SPDYE18: variants seen among roughly 807,000 people sequenced by gnomAD.
SPDYE18 encodes the protein speedy/RINGO cell cycle regulator family member E18.
A neutral mutation model predicts 44.9 loss-of-function variants in SPDYE18; 6 were observed. The observed-to-expected ratio is 0.13, with a 90% CI of 0.07 to 0.26. The LOEUF (loss-of-function observed/expected upper bound fraction) is 0.26, where lower values mean the gene tolerates loss of function less well. SPDYE18 is among the 10% of genes least tolerant of loss of function. SPDYE18 has a pLI of 1.00. For synonymous variants in SPDYE18, 35 were observed against 177.1 expected, an observed-to-expected ratio of 0.20 and a Z score of 6.37; for missense variants, 121 against 463.2, an observed-to-expected ratio of 0.26 and a Z score of 6.78.
At position 77,060,539 on chromosome 7, in the gene SPDYE18, C is replaced by T; in HGVS notation, c.-27G>A. On this transcript the variant is annotated 5_prime_UTR_variant, in exon 2 of 9. Transcript: ENST00000510091. ...GCCTTCTTCTGGACACTGCTAGGAT[C>T]CAGAAGAGTATGTTATCAATTCTCA... 2.0e-6 allele frequency: 3 copies of T among 1,534,864 alleles called. No homozygotes were observed. Among genetic ancestry groups the T allele is most frequent in the Non-Finnish European group, 2.6e-6 (3 of 1,146,696 alleles).
intron 6 of SPDYE18, 47 bp from the exon 7 acceptor site, chr7:77,053,250 G>C: frequency 6.2e-7 from 1 of 1,610,066 alleles, no homozygotes; most frequent in Non-Finnish European, 8.5e-7. Flanking sequence ...ACCAGGAGAG[G>C]CCTCCGGCTG....
intron 6 of SPDYE18, 35 bp from the exon 7 acceptor site, chr7:77,053,238 C>T (rs1163701390): frequency 6.2e-7 from 1 of 1,611,546 alleles, no homozygotes; most frequent in Non-Finnish European, 8.5e-7. Context: ...CTCAGGGGCA[C>T]CACCAGGAGA....
At chr7:77,054,316 G>A (rs1319964657) in intron 6 of SPDYE18, among the ~76,000 whole-genome samples, 4 of 148,634 alleles carry the variant, frequency 2.7e-5, no homozygotes, top group Non-Finnish European at 3.0e-5. Context: ...GCCGAGCCAG[G>A]AAATACCAAG....
chr7:77,059,981 T>C (rs1789993774), intron 2 of SPDYE18, among the ~76,000 whole-genome samples: 1 of 148,814 alleles, frequency 6.7e-6, no homozygotes, highest in South Asian at 2.1e-4. Context: ...CACACCCTCC[T>C]CAGGTTCTCC....
chr7:77,053,410 G>A (rs1296540461), intron 6 of SPDYE18, among the ~76,000 whole-genome samples: 4 of 152,330 alleles, frequency 2.6e-5, no homozygotes, highest in South Asian at 2.1e-4. Context: ...GGAGACAAAA[G>A]CCCAACTGGT....
At chr7:77,056,998 A>G (rs1789933413) in intron 4 of SPDYE18, among the ~76,000 whole-genome samples, 1 of 152,238 alleles carries the variant, frequency 6.6e-6, no homozygotes, top group South Asian at 2.1e-4. Context: ...TTAGGTTTAG[A>G]AAAGTCAGTA....
At chr7:77,058,501 C>CCTT (rs1789965736) in intron 3 of SPDYE18, among the ~76,000 whole-genome samples, 1 of 56,098 alleles carries the variant, frequency 1.8e-5, no homozygotes, top group African/African-American at 7.0e-5. Flanking sequence ...TTCCTTCCTT[C>CCTT]TTTTTTTTTT....
intron 3 of SPDYE18, among the ~76,000 whole-genome samples, chr7:77,058,501 CTTTTTTTTTTTT>C (rs1158671945): frequency 3.6e-5 from 2 of 56,098 alleles, no homozygotes; most frequent in Non-Finnish European, 6.7e-5. Flanking sequence ...TTCCTTCCTT[CTTTTTTTTTTTT>C]TTTTTTTTTT....
At chr7:77,054,546 G>C (rs1297555683) in intron 6 of SPDYE18, among the ~76,000 whole-genome samples, 2 of 151,286 alleles carry the variant, frequency 1.3e-5, no homozygotes, top group African/African-American at 4.8e-5. Context: ...GATGCGAGGG[G>C]GACCTGAACT....
At position 77,058,466 on chromosome 7, in the gene SPDYE18, G is replaced by A. The variant is rs944008578; in HGVS notation, c.380-599C>T. 7.0e-5 allele frequency among the ~76,000 whole-genome samples: 8 copies of A among 114,226 alleles called. 1 individual carries two copies. Among genetic ancestry groups the A allele is most frequent in the South Asian group, 6.4e-4 (2 of 3,116 alleles). 74.9% of individuals were successfully genotyped at this position (114,226 alleles called of 152,430 possible). ...CATTCTTCCCACACACCCTCCTCACGTGCTCCTTCCTGACTTCTGGGCCCT... is the reference window on the plus strand; with the variant it reads ...CATTCTTCCCACACACCCTCCTCACATGCTCCTTCCTGACTTCTGGGCCCT... On this transcript the variant is annotated intron_variant, in intron 3 of 8. Transcript: ENST00000510091.
intron 2 of SPDYE18, among the ~76,000 whole-genome samples, 199 bp downstream of exon 2, chr7:77,060,154 A>G (rs1475581733): frequency 2.0e-5 from 3 of 146,944 alleles, no homozygotes; most frequent in Non-Finnish European, 3.0e-5. Flanking sequence ...CACCACTACC[A>G]CTTGACTACT....
chr7:77,053,562 A>G (rs1789854456), intron 6 of SPDYE18, among the ~76,000 whole-genome samples: 2 of 152,368 alleles, frequency 1.3e-5, no homozygotes, highest in South Asian at 4.1e-4. Flanking sequence ...GAAATATGCC[A>G]GACGCGGTGG....
chr7:77,054,969 T>C (rs1186715257), intron 6 of SPDYE18, among the ~76,000 whole-genome samples: 1 of 152,214 alleles, frequency 6.6e-6, no homozygotes, highest in African/African-American at 2.4e-5. Flanking sequence ...GGTTTGGCCA[T>C]GTTGGCCAGG....
chr7:77,057,441 G>T (rs1789944003), intron 4 of SPDYE18, among the ~76,000 whole-genome samples, 196 bp downstream of exon 4: 3 of 151,302 alleles, frequency 2.0e-5, no homozygotes, highest in Admixed American at 6.6e-5. Context: ...CTTATCCCAA[G>T]CGCTGACCTT....
Position 77,060,418 on chromosome 7 carries a change from A to C in SPDYE18, c.95T>G (p.Leu32Arg). 2.0e-6 allele frequency: 3 copies of C among 1,535,354 alleles called. No individual in the cohort carries two copies. The South Asian group carries it at 3.6e-5, about 18-fold the overall frequency. Residue 32 changes from leucine (L) to arginine (R), a missense_variant, in exon 2 of 9, where the codon CTC (leucine) becomes CGC (arginine). Leu to Arg is a moderately radical substitution (Grantham distance 102). Coordinates refer to ENST00000510091, the MANE Select transcript of SPDYE18 (RefSeq NM_001394953.1). ...RQPHPQNEQSLQRSTSGYPLQ... is the reference protein window; with the variant it reads ...RQPHPQNEQSRQRSTSGYPLQ... Reference sequence around the variant, plus strand: ...GGGGTACCCCGAGGTGCTCCGCTGGAGACTCTGCTCATTCTGGGGGTGCGG... The same window carrying C: ...GGGGTACCCCGAGGTGCTCCGCTGGCGACTCTGCTCATTCTGGGGGTGCGG...
chr7:77,057,286 C>CT (rs1221196078), intron 4 of SPDYE18, among the ~76,000 whole-genome samples: 1 of 151,698 alleles, frequency 6.6e-6, no homozygotes, highest in Non-Finnish European at 1.5e-5. Flanking sequence ...GGGTTTTGCT[C>CT]TGTCACCCAG....
intron 3 of SPDYE18, among the ~76,000 whole-genome samples, chr7:77,058,659 G>C (rs1789970187): frequency 6.7e-6 from 1 of 148,840 alleles, no homozygotes; most frequent in Non-Finnish European, 1.5e-5. Context: ...GGCATGCCTG[G>C]CTAATTTTTG....
At chr7:77,060,995 A>G (rs1054502491) in intron 1 of SPDYE18, among the ~76,000 whole-genome samples, 62 bp from the exon 2 acceptor site, 28 of 121,216 alleles carry the variant, frequency 2.3e-4, no homozygotes, top group African/African-American at 6.6e-4. Context: ...ATGAAACCTT[A>G]TAAGAGTGAG....
At position 77,051,225 on chromosome 7, in the gene SPDYE18, A is replaced by G. The variant is rs1403215734; in HGVS notation, c.*700T>C. ...AGCACATATAATAATACAGAAACAAATTTAAAGATAATAAAATATTTAGGA... is the reference window on the plus strand; with the variant it reads ...AGCACATATAATAATACAGAAACAAGTTTAAAGATAATAAAATATTTAGGA... On this transcript the variant is annotated 3_prime_UTR_variant, in exon 9 of 9. Coordinates refer to ENST00000510091, the MANE Select transcript of SPDYE18 (RefSeq NM_001394953.1). 1.2e-4 allele frequency among the ~76,000 whole-genome samples: 19 copies of G among 152,196 alleles called. No individual in the cohort carries two copies. Among genetic ancestry groups the G allele is most frequent in the Non-Finnish European group, 2.6e-4 (18 of 68,030 alleles).
Sources: gnomAD v4.1 joint callset for allele counts (sites outside exome capture counted in the v4.1 genomes callset) on GRCh38, gnomAD v4.1.1 for gene constraint, MANE v1.5 for transcripts, NCBI Gene and HGNC (gene_info 2026-07-23, HGNC 2026-07-21) for gene names.